MGAT4A: variants seen among roughly 807,000 people sequenced by gnomAD.
MGAT4A encodes the protein alpha-1,3-mannosyl-glycoprotein 4-beta-N-acetylglucosaminyltransferase A.
A neutral mutation model predicts 74.1 loss-of-function variants in MGAT4A; 33 were observed. The ratio of observed to expected loss-of-function variants is 0.45; its 90% CI spans 0.34 to 0.60. The LOEUF is 0.60. MGAT4A is among the 20% of genes least tolerant of loss of function. The pLI is 0.02. For missense variants in MGAT4A, 479 were observed against 628.3 expected (o/e 0.76, Z 2.54); for synonymous variants, 198 against 210.4 (o/e 0.94, Z 0.51).
intron 2 of MGAT4A, among the ~76,000 whole-genome samples, chr2:98,697,406 G>C (rs1040789065): frequency 2.0e-5 from 3 of 152,166 alleles, no homozygotes; most frequent in African/African-American, 7.2e-5. Flanking sequence ...GGGATGCAGG[G>C]GTTGGTGTGA....
At chr2:98,680,257 T>C (rs920036308) in intron 2 of MGAT4A, among the ~76,000 whole-genome samples, 5 of 152,152 alleles carry the variant, frequency 3.3e-5, no homozygotes, top group Non-Finnish European at 7.4e-5. Flanking sequence ...TTGGTCAGGC[T>C]GGTCTCGAAC....
At chr2:98,681,601 T>G (rs1238166930) in intron 2 of MGAT4A, among the ~76,000 whole-genome samples, 1 of 152,046 alleles carries the variant, frequency 6.6e-6, no homozygotes, top group Non-Finnish European at 1.5e-5. Context: ...ATCCTACCCT[T>G]CAGACTTAAG....
At position 98,636,511 on chromosome 2, in the gene MGAT4A, T is replaced by G. The variant is rs1701324197; in HGVS notation, c.1401+6A>C. 6.2e-7 allele frequency: 1 copy of G among 1,606,992 alleles called. No individual in the cohort carries two copies. The highest frequency in any genetic ancestry group is 2.2e-5 in the East Asian group (1 of 44,822). On this transcript the variant is annotated splice_donor_region_variant and intron_variant, in intron 13 of 15. Coordinates refer to ENST00000393487, the MANE Select transcript of MGAT4A (RefSeq NM_012214.3). The stretch of plus-strand genomic sequence containing the variant: ...AGGGAAAGGTAAGAGGAAATAGCAG[T>G]CATACCTTAAAAGGCAAAACTTCCA...
chr2:98,665,601 T>A (rs1224574699), intron 4 of MGAT4A, among the ~76,000 whole-genome samples: 1 of 152,254 alleles, frequency 6.6e-6, no homozygotes, highest in East Asian at 1.9e-4. Flanking sequence ...CTATTCTAGG[T>A]GTTAAGCATA....
chr2:98,673,776 A>G (rs192453361), intron 4 of MGAT4A, among the ~76,000 whole-genome samples: 1 of 152,346 alleles, frequency 6.6e-6, no homozygotes, highest in East Asian at 1.9e-4. Flanking sequence ...TGAATGAAGA[A>G]ATAGTGTAAA....
At chr2:98,696,170 A>C (rs1702271187) in intron 2 of MGAT4A, among the ~76,000 whole-genome samples, 1 of 152,220 alleles carries the variant, frequency 6.6e-6, no homozygotes, top group African/African-American at 2.4e-5. Context: ...GACAGGAGCC[A>C]CCACACCCAG....
intron 2 of MGAT4A, among the ~76,000 whole-genome samples, chr2:98,689,674 T>G (rs1252895654): frequency 6.6e-6 from 1 of 151,936 alleles, no homozygotes; most frequent in African/African-American, 2.4e-5. Context: ...AATACAAAAA[T>G]TAGCCAGGCG....
intron 2 of MGAT4A, among the ~76,000 whole-genome samples, chr2:98,689,684 G>T (rs13390230): frequency 2.0e-5 from 3 of 151,998 alleles, no homozygotes; most frequent in Non-Finnish European, 2.9e-5. Context: ...TTAGCCAGGC[G>T]TGGTGGCAGA....
At chr2:98,685,153 C>A (rs751426270) in intron 2 of MGAT4A, among the ~76,000 whole-genome samples, 1 of 151,760 alleles carries the variant, frequency 6.6e-6, no homozygotes, top group Admixed American at 6.6e-5. Flanking sequence ...TGGGAGGATC[C>A]CTTGAGCCCA....
At chr2:98,715,317 CAAAAAAAA>C (rs201860893) in intron 2 of MGAT4A, among the ~76,000 whole-genome samples, 5 of 63,256 alleles carry the variant, frequency 7.9e-5, no homozygotes, top group Non-Finnish European at 1.3e-4. Context: ...GACTTCATCT[CAAAAAAAA>C]AAAAAAAAAA....
At chr2:98,726,855 G>A (rs1003128401) in intron 1 of MGAT4A, 1 of 152,552 alleles carries the variant, frequency 6.6e-6, no homozygotes, top group African/African-American at 2.4e-5. Flanking sequence ...GGAGCTCACA[G>A]ATTCCAAGAT....
intron 5 of MGAT4A, among the ~76,000 whole-genome samples, chr2:98,660,411 C>T (rs1287501966): frequency 1.2e-4 from 15 of 123,196 alleles, no homozygotes; most frequent in African/African-American, 2.8e-4. Flanking sequence ...CACACACACA[C>T]GCACGCGCAC....
Position 98,644,037 on chromosome 2 carries a change from C to A in MGAT4A, c.906G>T (p.Ala302=), listed in dbSNP as rs747997417. ...QLGFIGKMFQ[A]PDLTLIVEFI... ...ATTCTACAATCAGAGTAAGATCCGG[C>A]GCTTGAAACATTTTACCTGAAAAGA... Residue 302 remains alanine (A), a synonymous_variant, in exon 10 of 16, where the codon GCG becomes GCT. Coordinates refer to ENST00000393487, the MANE Select transcript of MGAT4A (RefSeq NM_012214.3). 3.2e-6 allele frequency: 5 copies of A among 1,584,340 alleles called. No individual in the cohort carries two copies. The African/African-American group carries it at 4.0e-5, about 13-fold the overall frequency.
intron 8 of MGAT4A, among the ~76,000 whole-genome samples, chr2:98,651,975 T>G (rs1397203422): frequency 1.3e-5 from 2 of 152,078 alleles, no homozygotes; most frequent in African/African-American, 4.8e-5. Flanking sequence ...AGAAGGACAT[T>G]GTACAATAAT....
At chr2:98,639,766 G>A in intron 12 of MGAT4A, 42 bp downstream of exon 12, 1 of 1,511,356 alleles carries the variant, frequency 6.6e-7, no homozygotes, top group African/African-American at 1.4e-5. Flanking sequence ...ACGAATAAGA[G>A]ATCCAAATTG....
intron 2 of MGAT4A, among the ~76,000 whole-genome samples, chr2:98,686,548 G>C (rs1447273134): frequency 1.3e-5 from 2 of 151,304 alleles, no homozygotes; most frequent in African/African-American, 2.4e-5. Flanking sequence ...TGGTTTTTTG[G>C]TGTTTTTTTT....
chr2:98,686,918 C>T (rs1468466469), intron 2 of MGAT4A, among the ~76,000 whole-genome samples: 1 of 152,094 alleles, frequency 6.6e-6, no homozygotes, highest in East Asian at 1.9e-4. Context: ...AAATGAGGAA[C>T]TATAAAAATT....
intron 4 of MGAT4A, among the ~76,000 whole-genome samples, chr2:98,671,026 T>C (rs1701904307): frequency 6.6e-6 from 1 of 152,216 alleles, no homozygotes. Context: ...AAACAGTGTC[T>C]ATTGTCCCCT....
intron 1 of MGAT4A, among the ~76,000 whole-genome samples, chr2:98,730,723 C>T (rs1167552226): frequency 6.6e-6 from 1 of 150,594 alleles, no homozygotes; most frequent in Non-Finnish European, 1.5e-5. Context: ...CCGAGCCGGC[C>T]GCAGAGAGGG....
Sources: gnomAD v4.1 joint callset for allele counts (sites outside exome capture counted in the v4.1 genomes callset) on GRCh38, gnomAD v4.1.1 for gene constraint, MANE v1.5 for transcripts, NCBI Gene and HGNC (gene_info 2026-07-23, HGNC 2026-07-21) for gene names.